FHIT: variants seen among roughly 807,000 people sequenced by gnomAD.
FHIT encodes the protein bis(5'-adenosyl)-triphosphatase.
A neutral mutation model predicts 17.9 loss-of-function variants in FHIT; 19 were observed. The ratio of observed to expected loss-of-function variants is 1.06; its 90% CI spans 0.74 to 1.56. FHIT has a LOEUF of 1.56. Among genes scored for constraint, FHIT ranks in the 40% most tolerant of loss-of-function variants. The pLI is 0.00. For synonymous variants in FHIT, 81 were observed against 69.7 expected (o/e 1.16, Z -0.81); for missense variants, 248 against 189.2 (o/e 1.31, Z -1.82).
At chr3:60,581,434 C>T (rs2107680253) in intron 4 of FHIT, among the ~76,000 whole-genome samples, 1 of 152,194 alleles carries the variant, frequency 6.6e-6, no homozygotes, top group African/African-American at 2.4e-5. Flanking sequence ...AGCCACTAGG[C>T]TGTTTTGTAC....
At chr3:60,887,430 A>T (rs1257457563) in intron 3 of FHIT, among the ~76,000 whole-genome samples, 1 of 152,136 alleles carries the variant, frequency 6.6e-6, no homozygotes. Flanking sequence ...AGATCATCTG[A>T]GGTCAGGAGT....
chr3:59,962,405 C>T (rs1707729241), intron 7 of FHIT, among the ~76,000 whole-genome samples: 1 of 152,156 alleles, frequency 6.6e-6, no homozygotes, highest in African/African-American at 2.4e-5. Flanking sequence ...TACAATAAAC[C>T]TATACTTTCC....
At chr3:61,099,464 T>C (rs1339452532) in intron 2 of FHIT, among the ~76,000 whole-genome samples, 1 of 152,100 alleles carries the variant, frequency 6.6e-6, no homozygotes, top group Non-Finnish European at 1.5e-5. Context: ...CTCCTCAATT[T>C]TTTGGAATAG....
At position 60,205,837 on chromosome 3, in the gene FHIT, G is replaced by A. The variant is rs530003287; in HGVS notation, c.104-191685C>T. ...AAAAATAACACTTAAGGCTGGGCGC[G>A]GTGGCTCACGCCTGTAATCCCAGCA... On this transcript the variant is annotated intron_variant, in intron 5 of 9. Coordinates refer to ENST00000492590, the MANE Select transcript of FHIT (RefSeq NM_002012.4). 4.7e-4 allele frequency among the ~76,000 whole-genome samples: 72 copies of A among 151,878 alleles called. No individual in the cohort carries two copies. The East Asian group carries it at 6.0e-3, about 13-fold the overall frequency.
At position 59,982,382 on chromosome 3, in the gene FHIT, A is replaced by G. The variant is rs149873570; in HGVS notation, c.279+28989T>C. Among the ~76,000 whole-genome samples, 19 of 152,208 alleles carry G rather than the reference A, an allele frequency of 1.2e-4. No homozygotes were observed. The East Asian group carries it at 3.7e-3, about 29-fold the overall frequency. On this transcript the variant is annotated intron_variant, in intron 7 of 9. Transcript: ENST00000492590. ...AGTGAAATCACAGAAGAAAAAAAAA[A>G]TTAATTTGTGGTTTTATAAGCAGTA... is the stretch of plus-strand genomic sequence containing the variant.
intron 5 of FHIT, among the ~76,000 whole-genome samples, chr3:60,308,490 G>GTATATA (rs1380485852): frequency 2.4e-4 from 18 of 74,994 alleles, no homozygotes; most frequent in African/African-American, 9.8e-4. Context: ...AGGTATAGGT[G>GTATATA]TATGTGTATA....
At chr3:60,428,903 A>G (rs1426971187) in intron 5 of FHIT, among the ~76,000 whole-genome samples, 3 of 152,136 alleles carry the variant, frequency 2.0e-5, no homozygotes, top group Admixed American at 2.0e-4. Flanking sequence ...ATTCTTTTGA[A>G]CAAAGGGAAA....
chr3:59,828,077 A>G (rs1701036220), intron 8 of FHIT, among the ~76,000 whole-genome samples: 1 of 152,250 alleles, frequency 6.6e-6, no homozygotes, highest in African/African-American at 2.4e-5. Flanking sequence ...CATTTTGGCA[A>G]CATTATGGAA....
chr3:60,252,762 C>G (rs36023952), intron 5 of FHIT, among the ~76,000 whole-genome samples: 1 of 151,526 alleles, frequency 6.6e-6, no homozygotes, highest in South Asian at 2.1e-4. Context: ...AGGCCGAGGC[C>G]GGTGGATCAC....
chr3:59,970,241 T>C (rs1273498658), intron 7 of FHIT, among the ~76,000 whole-genome samples: 1 of 152,148 alleles, frequency 6.6e-6, no homozygotes, highest in Non-Finnish European at 1.5e-5. Flanking sequence ...TTTAGGTCTT[T>C]AAGGGGGAAA....
At chr3:60,569,919 A>C (rs914910889) in intron 4 of FHIT, among the ~76,000 whole-genome samples, 4 of 151,576 alleles carry the variant, frequency 2.6e-5, no homozygotes, top group Non-Finnish European at 5.9e-5. Flanking sequence ...CAATTCACCC[A>C]TTGATGTAAT....
chr3:61,070,638 C>T (rs1439823841), intron 2 of FHIT, among the ~76,000 whole-genome samples: 2 of 152,202 alleles, frequency 1.3e-5, no homozygotes, highest in Admixed American at 6.5e-5. Flanking sequence ...CTCTTCATAA[C>T]CAATATGTTG....
chr3:60,541,469 C>A (rs1432344895), intron 4 of FHIT, among the ~76,000 whole-genome samples: 2 of 152,106 alleles, frequency 1.3e-5, no homozygotes, highest in Non-Finnish European at 2.9e-5. Flanking sequence ...TTTAGTAACA[C>A]CCCACCATAT....
At chr3:60,802,779 A>C (rs995101181) in intron 4 of FHIT, among the ~76,000 whole-genome samples, 2 of 151,686 alleles carry the variant, frequency 1.3e-5, no homozygotes, top group African/African-American at 4.8e-5. Flanking sequence ...CTTAAAAAAA[A>C]AATTCCAGGA....
chr3:60,044,728 T>C (rs773322811), intron 5 of FHIT, among the ~76,000 whole-genome samples: 9 of 152,178 alleles, frequency 5.9e-5, no homozygotes, highest in Non-Finnish European at 1.2e-4. Context: ...ATTCCACTGT[T>C]ACAAGCTTTC....
chr3:59,953,006 GTGTC>G (rs1244603976), intron 7 of FHIT, among the ~76,000 whole-genome samples: 1 of 151,546 alleles, frequency 6.6e-6, no homozygotes, highest in Non-Finnish European at 1.5e-5. Flanking sequence ...ATGTCTGCTT[GTGTC>G]TGTCTCTCCA....
chr3:61,227,619 G>T (rs2040001295), intron 1 of FHIT, among the ~76,000 whole-genome samples: 1 of 152,050 alleles, frequency 6.6e-6, no homozygotes, highest in African/African-American at 2.4e-5. Flanking sequence ...CACAATGGGT[G>T]GAAATAAAGA....
At chr3:60,123,733 C>T (rs898555886) in intron 5 of FHIT, among the ~76,000 whole-genome samples, 6 of 151,500 alleles carry the variant, frequency 4.0e-5, no homozygotes, top group Admixed American at 2.0e-4. Flanking sequence ...CATGAGAGAA[C>T]GCCAGTGCCC....
At chr3:61,158,308 G>A (rs74341791) in intron 2 of FHIT, among the ~76,000 whole-genome samples, 1,535 of 152,258 alleles carry the variant, frequency 0.01, 15 homozygotes, top group South Asian at 0.033. Context: ...CCATCAATAC[G>A]TCTAGCAAGG....
Sources: allele counts gnomAD v4.1 joint callset (sites outside exome capture counted in the v4.1 genomes callset), GRCh38; gene constraint gnomAD v4.1.1; transcripts MANE v1.5; gene names NCBI Gene and HGNC (gene_info 2026-07-23, HGNC 2026-07-21).